MTUS2: variants seen among roughly 807,000 people sequenced by gnomAD.
The protein encoded by MTUS2 is microtubule associated scaffold protein 2.
MTUS2 carries 40 observed loss-of-function variants against 114.1 expected under a neutral mutation model. The ratio of observed to expected loss-of-function variants is 0.35; its 90% CI spans 0.27 to 0.46. The LOEUF is 0.46. Ranked by LOEUF, MTUS2 falls within the 20% of genes least tolerant of loss-of-function variation. The pLI is 1.00. For missense variants in MTUS2, 1,679 were observed against 1,705.4 expected, an observed-to-expected ratio of 0.98 and a Z score of 0.27; for synonymous variants, 688 against 672.0, an observed-to-expected ratio of 1.02 and a Z score of -0.37.
At chr13:29,201,928 C>G (rs1894975663) in intron 5 of MTUS2, among the ~76,000 whole-genome samples, 2 of 152,168 alleles carry the variant, frequency 1.3e-5, no homozygotes. Context: ...TCTCCGGCTG[C>G]CCTTAACATT....
chr13:28,997,990 A>G (rs926051862), intron 2 of MTUS2, among the ~76,000 whole-genome samples: 30 of 152,060 alleles, frequency 2.0e-4, no homozygotes, highest in Admixed American at 1.7e-3. Flanking sequence ...TAGCTTTGAT[A>G]TTCTTTACAA....
Position 29,179,266 on chromosome 13 carries a change from A to G in MTUS2, c.2644+78296A>G, listed in dbSNP as rs140656741. On this transcript the variant is annotated intron_variant, in intron 5 of 15. Transcript: ENST00000612955. ...AAAACACATCTCTGATTATCTTCCA[A>G]AAAATATCTCTGCGTTAACCATATG... Among the ~76,000 whole-genome samples, 520 of 152,370 alleles carry G rather than the reference A, an allele frequency of 3.4e-3. 4 individuals are homozygous for G. The highest frequency in any genetic ancestry group is 0.012 in the African/African-American group (493 of 41,598).
At chr13:29,405,336 A>G (rs1465013340) in intron 8 of MTUS2, among the ~76,000 whole-genome samples, 2 of 152,240 alleles carry the variant, frequency 1.3e-5, no homozygotes, top group East Asian at 1.9e-4. Context: ...TCAACTTTCA[A>G]TCATATTGAC....
chr13:29,503,274 C>A lies in MTUS2; in HGVS notation c.*68C>A. 1.3e-6 allele frequency: 2 copies of A among 1,556,790 alleles called. No individual in the cohort carries two copies. Among genetic ancestry groups the A allele is most frequent in the African/African-American group, 1.4e-5 (1 of 73,728 alleles). ...GGTCTCCACCCTGAGGGAGCACCGA[C>A]CCGGTGCCGCCGGAGCTGGCCCTGT... is the stretch of plus-strand genomic sequence containing the variant. On this transcript the variant is annotated 3_prime_UTR_variant, in exon 16 of 16. Transcript: ENST00000612955.
At chr13:29,362,177 GTC>G (rs1003936088) in intron 8 of MTUS2, among the ~76,000 whole-genome samples, 1 of 152,194 alleles carries the variant, frequency 6.6e-6, no homozygotes. Flanking sequence ...ATAGAGATGG[GTC>G]TCACTATGTT....
At chr13:29,301,098 A>C (rs1168522853) in intron 6 of MTUS2, among the ~76,000 whole-genome samples, 1 of 152,178 alleles carries the variant, frequency 6.6e-6, no homozygotes, top group Non-Finnish European at 1.5e-5. Flanking sequence ...CACTTTGCTA[A>C]TCAATAGTCA....
At chr13:29,433,678 AT>A (rs2138652663) in intron 8 of MTUS2, among the ~76,000 whole-genome samples, 1 of 152,280 alleles carries the variant, frequency 6.6e-6, no homozygotes, top group African/African-American at 2.4e-5. Flanking sequence ...AGATACTTGT[AT>A]TTTGTTGCTG....
chr13:29,326,783 C>G (rs1309245951), intron 7 of MTUS2, among the ~76,000 whole-genome samples: 1 of 152,014 alleles, frequency 6.6e-6, no homozygotes, highest in African/African-American at 2.4e-5. Flanking sequence ...GAGTTCGACA[C>G]CAGCCTGACC....
intron 2 of MTUS2, among the ~76,000 whole-genome samples, chr13:28,865,456 C>T (rs993443059): frequency 6.6e-6 from 1 of 152,162 alleles, no homozygotes; most frequent in Admixed American, 6.5e-5. Flanking sequence ...ACGAAATCAT[C>T]ATATTAAGTT....
intron 6 of MTUS2, among the ~76,000 whole-genome samples, chr13:29,322,775 A>G (rs1566129969): frequency 6.6e-6 from 1 of 152,192 alleles, no homozygotes; most frequent in Admixed American, 6.5e-5. Flanking sequence ...AACTCAAGCC[A>G]CAGGAGGAAG....
intron 9 of MTUS2, among the ~76,000 whole-genome samples, chr13:29,467,984 C>T (rs1367332982): frequency 6.6e-6 from 1 of 151,928 alleles, no homozygotes; most frequent in Non-Finnish European, 1.5e-5. Flanking sequence ...GGTGTGGTGG[C>T]GCACACCTAT....
intron 6 of MTUS2, among the ~76,000 whole-genome samples, chr13:29,320,405 T>C (rs1900204697): frequency 6.6e-6 from 1 of 152,228 alleles, no homozygotes; most frequent in South Asian, 2.1e-4. Context: ...ACTTGTGTTG[T>C]CTGAAACTGC....
intron 4 of MTUS2, 133 bp from the exon 5 acceptor site, chr13:29,100,640 T>C (rs923630421): frequency 9.4e-7 from 1 of 1,064,252 alleles, no homozygotes; most frequent in Non-Finnish European, 1.3e-6. Context: ...ATTTTAGATG[T>C]GTTGAATCAA....
chr13:29,279,023 T>C (rs1479765058), intron 5 of MTUS2, among the ~76,000 whole-genome samples: 1 of 152,220 alleles, frequency 6.6e-6, no homozygotes, highest in African/African-American at 2.4e-5. Context: ...TGTACATTAA[T>C]AACTAACACA....
chr13:29,033,176 T>C (rs1388865892), intron 3 of MTUS2, among the ~76,000 whole-genome samples: 4 of 152,226 alleles, frequency 2.6e-5, no homozygotes, highest in Non-Finnish European at 5.9e-5. Flanking sequence ...TTTTTGGTGC[T>C]ATGAAGTCAG....
chr13:29,302,852 G>T (rs1433442987), intron 6 of MTUS2, among the ~76,000 whole-genome samples: 1 of 152,184 alleles, frequency 6.6e-6, no homozygotes, highest in East Asian at 1.9e-4. Flanking sequence ...TCCTGACTGG[G>T]TGAGACCTCC....
At chr13:29,501,988 G>A (rs1202058055) in intron 15 of MTUS2, among the ~76,000 whole-genome samples, 2 of 152,184 alleles carry the variant, frequency 1.3e-5, no homozygotes, top group African/African-American at 4.8e-5. Context: ...TTCTTCACAT[G>A]TACATGCTTA....
At chr13:29,204,665 C>T (rs950251125) in intron 5 of MTUS2, among the ~76,000 whole-genome samples, 1 of 152,224 alleles carries the variant, frequency 6.6e-6, no homozygotes, top group African/African-American at 2.4e-5. Context: ...AGCACCCTGG[C>T]CTGGGGCCAG....
intron 5 of MTUS2, among the ~76,000 whole-genome samples, chr13:29,207,998 T>A (rs1895264024): frequency 6.6e-6 from 1 of 152,174 alleles, no homozygotes; most frequent in African/African-American, 2.4e-5. Flanking sequence ...GTCAATAGGA[T>A]TGGTACCAAT....
Sources: gnomAD v4.1 joint callset for allele counts (sites outside exome capture counted in the v4.1 genomes callset) on GRCh38, gnomAD v4.1.1 for gene constraint, MANE v1.5 for transcripts, NCBI Gene and HGNC (gene_info 2026-07-23, HGNC 2026-07-21) for gene names.